Variants in CNTN6 observed in about 807,000 individuals in gnomAD.
CNTN6 encodes the protein contactin-6.
CNTN6 carries 137 observed loss-of-function variants against 122.8 expected under a neutral mutation model. That is an observed-to-expected ratio of 1.12 (90% CI 0.97 to 1.29). The LOEUF (loss-of-function observed/expected upper bound fraction) is 1.29. Ranked by LOEUF, CNTN6 falls within the 50% of genes most tolerant of loss-of-function variation. CNTN6 has a pLI of 0.00. For synonymous variants in CNTN6, 570 were observed against 426.0 expected (o/e 1.34, Z -4.16); for missense variants, 1,634 against 1,223.4 (o/e 1.34, Z -5.01).
chr3:1,320,949 C>G (rs535998903), intron 7 of CNTN6, among the ~76,000 whole-genome samples: 2 of 151,750 alleles, frequency 1.3e-5, no homozygotes, highest in African/African-American at 4.8e-5. Context: ...ACTTTATTTA[C>G]AAGTTCTTTA....
chr3:1,201,098 T>TG (rs1208415479), intron 2 of CNTN6, among the ~76,000 whole-genome samples: 1,150 of 91,638 alleles, frequency 0.013, 19 homozygotes, highest in African/African-American at 0.043. Context: ...CAGCTAACAT[T>TG]TTGTGTGTGT....
chr3:1,093,483 C>T (rs1414016783), intron 1 of CNTN6, among the ~76,000 whole-genome samples: 1 of 149,680 alleles, frequency 6.7e-6, no homozygotes, highest in Non-Finnish European at 1.5e-5. Flanking sequence ...CACGCCCTTT[C>T]TGTAACGGCA....
chr3:1,254,554 C>G (rs1221366412), intron 4 of CNTN6, among the ~76,000 whole-genome samples: 4 of 152,206 alleles, frequency 2.6e-5, no homozygotes, highest in Admixed American at 6.5e-5. Context: ...ATGTGTCAGA[C>G]TCTATCATGT....
At chr3:1,115,051 C>T (rs2091655551) in intron 1 of CNTN6, among the ~76,000 whole-genome samples, 1 of 152,088 alleles carries the variant, frequency 6.6e-6, no homozygotes, top group African/African-American at 2.4e-5. Flanking sequence ...AATTGAGCTG[C>T]AGGAGCAGCA....
intron 4 of CNTN6, among the ~76,000 whole-genome samples, chr3:1,244,831 G>T (rs1318219702): frequency 6.6e-6 from 1 of 151,446 alleles, no homozygotes; most frequent in Admixed American, 6.6e-5. Flanking sequence ...ATCTCACAAA[G>T]TACATTCTCA....
chr3:1,110,129 A>G (rs1051849907), intron 1 of CNTN6, among the ~76,000 whole-genome samples: 13 of 151,388 alleles, frequency 8.6e-5, no homozygotes, highest in Admixed American at 1.3e-4. Flanking sequence ...TCTGATATTT[A>G]CATCAGGTGC....
intron 16 of CNTN6, among the ~76,000 whole-genome samples, chr3:1,374,417 C>T (rs971063209): frequency 2.0e-5 from 3 of 151,996 alleles, no homozygotes; most frequent in African/African-American, 7.2e-5. Flanking sequence ...AATGTTGTAG[C>T]CAGGAATTAA....
intron 2 of CNTN6, among the ~76,000 whole-genome samples, chr3:1,185,513 T>G (rs1452518449): frequency 6.6e-6 from 1 of 152,136 alleles, no homozygotes; most frequent in Admixed American, 6.6e-5. Flanking sequence ...ATGAAACACT[T>G]TGTCTGTGTT....
intron 1 of CNTN6, among the ~76,000 whole-genome samples, chr3:1,128,747 C>G (rs906358168): frequency 1.3e-5 from 2 of 149,344 alleles, no homozygotes; most frequent in Non-Finnish European, 1.5e-5. Flanking sequence ...GAGCAACATG[C>G]TTGTGTTAGC....
chr3:1,382,973 G>A lies in CNTN6; in HGVS notation c.2198G>A (p.Gly733Glu). ...CCAGAAGAACTGCAGAATGGGGAGGGATTTGGATATATCATCATGTTCCGG... is the reference window on the plus strand; with the variant it reads ...CCAGAAGAACTGCAGAATGGGGAGGAATTTGGATATATCATCATGTTCCGG... ...SIPEELQNGE[G>E]FGYIIMFRPV... Residue 733 changes from glycine to glutamate, a missense_variant, in exon 18 of 23, where the codon GGA (glycine) becomes GAA (glutamate). Physicochemically the swap from Gly to Glu is moderately conservative, Grantham distance 98. Transcript: ENST00000446702. The A allele has an allele frequency of 6.2e-7, 1 of 1,614,016 alleles. No individual in the cohort carries two copies. The highest frequency in any genetic ancestry group is 1.1e-5 in the South Asian group (1 of 91,074).
rs868827636 is a variant in CNTN6 at position 1,246,120 on chromosome 3, A to G, written c.358+18127A>G. Among the ~76,000 whole-genome samples the G allele has an allele frequency of 4.6e-5, 7 of 152,168 alleles. 1 individual carries two copies. In the South Asian group the frequency reaches 1.0e-3, roughly 22 times the overall value. On this transcript the variant is annotated intron_variant, in intron 4 of 22. Coordinates refer to ENST00000446702, the MANE Select transcript of CNTN6 (RefSeq NM_001289080.2). The stretch of plus-strand genomic sequence containing the variant: ...ACAAAAAACATGAGCAGATAGATCA[A>G]TGAAGTATTGTTAAGCCAGATCCAG...
At chr3:1,314,966 G>C (rs1471606201) in intron 7 of CNTN6, among the ~76,000 whole-genome samples, 4 of 151,828 alleles carry the variant, frequency 2.6e-5, no homozygotes, top group Non-Finnish European at 1.5e-5. Flanking sequence ...GCTTCATATT[G>C]GTTTTCTTTA....
intron 4 of CNTN6, among the ~76,000 whole-genome samples, chr3:1,268,587 A>ACAGAGCGAGACTC (rs1307586825): frequency 1.6e-5 from 2 of 122,914 alleles, no homozygotes; most frequent in African/African-American, 7.3e-5. Context: ...AGCCTGGGCG[A>ACAGAGCGAGACTC]CAGAGCGAGA....
chr3:1,301,249 C>A (rs985503398), intron 7 of CNTN6, among the ~76,000 whole-genome samples: 2 of 151,934 alleles, frequency 1.3e-5, no homozygotes, highest in African/African-American at 2.4e-5. Context: ...GTTGGCCAGG[C>A]TTGTCTCTAA....
chr3:1,292,050 C>T (rs1046303603), intron 5 of CNTN6, among the ~76,000 whole-genome samples: 5 of 151,968 alleles, frequency 3.3e-5, no homozygotes, highest in African/African-American at 9.7e-5. Context: ...TGCTACATCC[C>T]GAGTAGTGTT....
chr3:1,243,040 G>A (rs1254662710), intron 4 of CNTN6, among the ~76,000 whole-genome samples: 1 of 152,150 alleles, frequency 6.6e-6, no homozygotes, highest in Non-Finnish European at 1.5e-5. Context: ...TGGTCTACGG[G>A]GCTTCCAAGG....
intron 20 of CNTN6, among the ~76,000 whole-genome samples, chr3:1,388,075 C>G (rs1223566406): frequency 1.6e-4 from 24 of 152,148 alleles, no homozygotes; most frequent in Non-Finnish European, 2.4e-4. Flanking sequence ...TCAAGGAGGC[C>G]TGCCTGCAAC....
chr3:1,208,032 C>T (rs935213250), intron 2 of CNTN6, among the ~76,000 whole-genome samples: 4 of 152,064 alleles, frequency 2.6e-5, no homozygotes, highest in African/African-American at 7.2e-5. Flanking sequence ...AAAAAGCTCT[C>T]ACATCATTCT....
chr3:1,215,363 T>A (rs2094115665), intron 2 of CNTN6, among the ~76,000 whole-genome samples: 1 of 152,226 alleles, frequency 6.6e-6, no homozygotes, highest in African/African-American at 2.4e-5. Context: ...TCACATTATG[T>A]GAGATAATTA....
Sources: gnomAD v4.1 joint callset for allele counts (sites outside exome capture counted in the v4.1 genomes callset) on GRCh38, gnomAD v4.1.1 for gene constraint, MANE v1.5 for transcripts, NCBI Gene and HGNC (gene_info 2026-07-23, HGNC 2026-07-21) for gene names.